The following NBPF19 variants were observed in gnomAD, a reference collection of about 807,000 sequenced individuals.
NBPF19 encodes the protein NBPF member 19.
In NBPF19, 30 loss-of-function variants were observed where a neutral mutation model predicts 45.9. That is an observed-to-expected ratio of 0.65 (90% CI 0.49 to 0.89). The LOEUF (loss-of-function observed/expected upper bound fraction) is 0.89, where lower values mean the gene tolerates loss of function less well. Among genes scored for constraint, NBPF19 ranks in the 40% least tolerant of loss-of-function variants. The pLI is 0.00. For synonymous variants in NBPF19, 183 were observed against 181.2 expected, an observed-to-expected ratio of 1.01 and a Z score of -0.08; for missense variants, 495 against 471.8, an observed-to-expected ratio of 1.05 and a Z score of -0.46.
chr1:149,554,343 A>T (rs1386675305), intron 93 of NBPF19, among the ~76,000 whole-genome samples, 152 bp from the exon 94 acceptor site: 11 of 150,880 alleles, frequency 7.3e-5, no homozygotes, highest in Admixed American at 1.3e-4. Flanking sequence ...TTCTATCCCA[A>T]CATAAAGGCA....
intron 10 of NBPF19, among the ~76,000 whole-genome samples, chr1:149,488,439 G>C (rs1410455915): frequency 2.9e-5 from 4 of 137,934 alleles, no homozygotes; most frequent in Non-Finnish European, 4.7e-5. Flanking sequence ...CGTTGGACCT[G>C]GGCAGATGTG....
Position 149,488,567 on chromosome 1 carries a change from G to C in NBPF19, c.1214-338G>C, listed in dbSNP as rs1209807061. Among the ~76,000 whole-genome samples the C allele has an allele frequency of 1.1e-4, 8 of 71,082 alleles. No homozygotes were observed. In the Admixed American group the frequency reaches 1.2e-3, roughly 11 times the overall value. 46.6% of individuals were successfully genotyped at this position (71,082 alleles called of 152,430 possible). A position where few individuals can be genotyped will look rare whatever the true frequency, so the allele number is the denominator to read the frequency against. On this transcript the variant is annotated intron_variant, in intron 10 of 93. Transcript: ENST00000651566. ...CATGAACAATCTGAGTATTTGATGA[G>C]ACAGGGCTGAATAGTGCAGTTTTTC...
chr1:149,556,349 C>T lies in NBPF19; in HGVS notation c.*1611C>T, dbSNP rs1475796562. 6.0e-5 allele frequency: 9 copies of T among 150,180 alleles called. No individual in the cohort carries two copies. The highest frequency in any genetic ancestry group is 1.2e-4 in the Non-Finnish European group (8 of 67,300). 9.3% of individuals were successfully genotyped at this position (150,180 alleles called of 1,614,324 possible). ...GGGTACTGATGTGAATTAATAAAAA[C>T]ATTTCATTTCCATGTTTATTTTCTA... On this transcript the variant is annotated 3_prime_UTR_variant, in exon 94 of 94. Transcript: ENST00000651566.
At chr1:149,487,590 G>C (rs1401739977) in intron 9 of NBPF19, among the ~76,000 whole-genome samples, 1 of 150,814 alleles carries the variant, frequency 6.6e-6, no homozygotes, top group African/African-American at 2.4e-5. Flanking sequence ...CCTAGTGAAA[G>C]TTGACCATAC....
chr1:149,494,076 C>T (rs1239939405), intron 17 of NBPF19, among the ~76,000 whole-genome samples: 14 of 131,514 alleles, frequency 1.1e-4, no homozygotes, highest in African/African-American at 3.1e-4. Flanking sequence ...CCGGCCAACT[C>T]GCTGAGCTCA....
intron 4 of NBPF19, among the ~76,000 whole-genome samples, chr1:149,479,641 T>C (rs1384140466): frequency 5.4e-5 from 8 of 148,420 alleles, no homozygotes. Flanking sequence ...CATTTGGTGG[T>C]AGGAAGTGCT....
intron 4 of NBPF19, among the ~76,000 whole-genome samples, chr1:149,479,479 T>G (rs1429170970): frequency 6.6e-6 from 1 of 150,524 alleles, no homozygotes; most frequent in African/African-American, 2.4e-5. Flanking sequence ...GATTTATCTT[T>G]TCAGAGTTTC....
At chr1:149,487,493 C>A in intron 9 of NBPF19, 110 bp downstream of exon 9, 6 of 994,164 alleles carry the variant, frequency 6.0e-6, no homozygotes, top group Non-Finnish European at 1.6e-6. Context: ...TCAGACAAGT[C>A]TGAATTATGC....
chr1:149,488,146 T>A lies in NBPF19; in HGVS notation c.1174T>A (p.Leu392Met), dbSNP rs1414508725. The change falls in exon 10 of 94, where the codon TTG becomes ATG. Residue 392 changes from leucine to methionine, a missense_variant. Leu to Met is a conservative substitution (Grantham distance 15). Around this residue, in one of 8 missense-constraint regions of NBPF19, gnomAD observed 146 missense variants for 67.3 expected, o/e 2.17. Coordinates refer to ENST00000651566, the MANE Select transcript of NBPF19 (RefSeq NM_001351365.2). ...GCCCTACAGAAGTGCCTTTTACGTA[T>A]TGGAGCAACAGCGTGTTGGCTTGGC... ...CQPYRSAFYV[L>M]EQQRVGLAID... is the part of the protein sequence containing the mutation. The A allele has an allele frequency of 1.0e-5, 7 of 681,948 alleles. No individual in the cohort carries two copies. The highest frequency in any genetic ancestry group is 1.8e-5 in the Non-Finnish European group (7 of 379,554). 42.2% of individuals were successfully genotyped at this position (681,948 alleles called of 1,614,324 possible).
rs2085009552 is a variant in NBPF19 at position 149,478,948 on chromosome 1, G to A, written c.347G>A (p.Gly116Glu). ...CAGTTAAGGGAGAAGTTACGGGAAGGGAGAGATGCCTCCCGCTCATTGAAT... is the reference window on the plus strand; with the variant it reads ...CAGTTAAGGGAGAAGTTACGGGAAGAGAGAGATGCCTCCCGCTCATTGAAT... ...LTQLREKLREGRDASRSLNEH... is the reference protein window; with the variant it reads ...LTQLREKLREERDASRSLNEH... Residue 116 changes from glycine (G) to glutamate (E), a missense_variant, in exon 4 of 94, where the codon GGG (glycine) becomes GAG (glutamate). Physicochemically the swap from Gly to Glu is moderately conservative, Grantham distance 98 (BLOSUM62 -2). Transcript: ENST00000651566. The A allele has an allele frequency of 1.2e-6, 2 of 1,605,560 alleles. No homozygotes were observed. The highest frequency in any genetic ancestry group is 1.7e-6 in the Non-Finnish European group (2 of 1,174,654).
At position 149,554,546 on chromosome 1, in the gene NBPF19, A is replaced by C. The variant is rs1429762850; in HGVS notation, c.11340A>C (p.Ser3780=). 5 of 1,608,128 alleles carry C rather than the reference A, an allele frequency of 3.1e-6. No homozygotes were observed. The African/African-American group carries it at 4.0e-5, about 13-fold the overall frequency. Residue 3780 remains serine (S), a synonymous_variant, in exon 94 of 94, where the codon TCA becomes TCC. Transcript: ENST00000651566. ...AAGAGCCTGAAGTCTTACAGGACTC[A>C]CTGGATGGATGTTATTCGACTCCGT... ...EVEEPEVLQD[S]LDGCYSTPSM... is the part of the protein sequence containing the mutation.
At chr1:149,493,608 G>A in intron 16 of NBPF19, 52 bp from the exon 17 acceptor site, 1 of 154,370 alleles carries the variant, frequency 6.5e-6, no homozygotes, top group South Asian at 3.7e-5. Context: ...GGATTGTTAT[G>A]TGTGTAGGAG....
chr1:149,487,517 T>A lies in NBPF19; in HGVS notation c.1040+134T>A, dbSNP rs1233556492. On this transcript the variant is annotated intron_variant, in intron 9 of 93. Coordinates refer to ENST00000651566, the MANE Select transcript of NBPF19 (RefSeq NM_001351365.2). ...TCTGAATTATGCCTAATACATTGCT[T>A]TTTTGTTCTCATTAGAGTAAATGTT... 3.1e-5 allele frequency: 31 copies of A among 1,004,932 alleles called. 2 individuals carry two copies. Among genetic ancestry groups the A allele is most frequent in the Non-Finnish European group, 4.7e-5 (30 of 639,264 alleles). 62.3% of individuals were successfully genotyped at this position (1,004,932 alleles called of 1,614,324 possible).
intron 8 of NBPF19, 27 bp from the exon 9 acceptor site, chr1:149,487,305 A>C: frequency 6.5e-7 from 1 of 1,537,230 alleles, no homozygotes; most frequent in Non-Finnish European, 8.9e-7. Context: ...ACTTAATGTA[A>C]GAGGGCCCAT....
chr1:149,554,336 T>C (rs2087161350), intron 93 of NBPF19, among the ~76,000 whole-genome samples, 159 bp from the exon 94 acceptor site: 2 of 151,494 alleles, frequency 1.3e-5, no homozygotes, highest in Admixed American at 1.3e-4. Flanking sequence ...GGCCCTGTTC[T>C]ATCCCAACAT....
At chr1:149,487,960 G>C (rs1292807814) in intron 9 of NBPF19, 53 bp from the exon 10 acceptor site, 17 of 696,938 alleles carry the variant, frequency 2.4e-5, no homozygotes, top group South Asian at 1.1e-4. Flanking sequence ...AGCTGGGGCT[G>C]TGTGGTTTCT....
At position 149,477,802 on chromosome 1, in the gene NBPF19, A is replaced by G. The variant is rs1271161174; in HGVS notation, c.176-143A>G. On this transcript the variant is annotated intron_variant, in intron 2 of 93. Coordinates refer to ENST00000651566, the MANE Select transcript of NBPF19 (RefSeq NM_001351365.2). ...TGCCAGAAAGTCAGGAGACTGAAGA[A>G]TAAAGATGTGGAAATCCCTGTCTAG... is the stretch of plus-strand genomic sequence containing the variant. 222 of 883,560 alleles carry G rather than the reference A, an allele frequency of 2.5e-4. 2 individuals carry two copies. Among genetic ancestry groups the G allele is most frequent in the Middle Eastern group, 1.4e-3 (4 of 2,838 alleles). The allele number at this position is 883,560 out of a possible 1,614,324, so 54.7% of individuals were successfully genotyped here. A position where few individuals can be genotyped will look rare whatever the true frequency, so the allele number is the denominator to read the frequency against.
chr1:149,487,994 C>A lies in NBPF19; in HGVS notation c.1041-19C>A. 1.5e-6 allele frequency: 1 copy of A among 689,094 alleles called. No homozygotes were observed. Among genetic ancestry groups the A allele is most frequent in the Non-Finnish European group, 2.7e-6 (1 of 375,004 alleles). The allele number at this position is 689,094 out of a possible 1,614,324, so 42.7% of individuals were successfully genotyped here. On this transcript the variant is annotated intron_variant, in intron 9 of 93. Transcript: ENST00000651566. Reference sequence around the variant, plus strand: ...CTGATTCCCCCTGGCTTATTCTTTACTTTTTCCCACTTTTCCAGGCTCAGC... The same window carrying A: ...CTGATTCCCCCTGGCTTATTCTTTAATTTTTCCCACTTTTCCAGGCTCAGC...
In NBPF19 at chr1:149,554,703, C is replaced by T; in HGVS notation, c.11497C>T (p.Leu3833=). The part of the protein sequence containing the change: ...FFTLTVTSLH[L]VFQMLVIFPQ Reference sequence around the variant, plus strand: ...TACTTTGACGGTGACAAGTCTCCATCTGGTGTTCCAGATGTTAGTCATATT... The same window carrying T: ...TACTTTGACGGTGACAAGTCTCCATTTGGTGTTCCAGATGTTAGTCATATT... The change falls in exon 94 of 94, where the codon CTG becomes TTG. Residue 3833 remains leucine, a synonymous_variant. Coordinates refer to ENST00000651566, the MANE Select transcript of NBPF19 (RefSeq NM_001351365.2). 6.2e-7 allele frequency: 1 copy of T among 1,608,308 alleles called. No individual in the cohort carries two copies. Among genetic ancestry groups the T allele is most frequent in the Admixed American group, 1.7e-5 (1 of 59,918 alleles).
Sources: allele counts gnomAD v4.1 joint callset (sites outside exome capture counted in the v4.1 genomes callset), GRCh38; gene constraint gnomAD v4.1.1; regional missense constraint gnomAD v4.1.1; transcripts MANE v1.5; gene names NCBI Gene and HGNC (gene_info 2026-07-23, HGNC 2026-07-21).